The following RPP40 variants were observed in gnomAD, a reference collection of about 807,000 sequenced individuals.
The protein encoded by RPP40 is ribonuclease P protein subunit p40.
A neutral mutation model predicts 42.5 loss-of-function variants in RPP40; 30 were observed. The ratio of observed to expected loss-of-function variants is 0.71; its 90% CI spans 0.53 to 0.96. RPP40 has a LOEUF of 0.96. Among genes scored for constraint, RPP40 ranks in the 40% least tolerant of loss-of-function variants. The probability of loss-of-function intolerance (pLI) is 0.00; values close to 1 mark genes in which losing one functional copy is unlikely to be tolerated. For synonymous variants in RPP40, 173 were observed against 164.0 expected, an observed-to-expected ratio of 1.05 and a Z score of -0.42; for missense variants, 426 against 433.5, an observed-to-expected ratio of 0.98 and a Z score of 0.15.
At chr6:5,001,815 A>G (rs1759565781) in intron 2 of RPP40, 1 of 271,716 alleles carries the variant, frequency 3.7e-6, no homozygotes, top group Non-Finnish European at 6.9e-6. Flanking sequence ...CTGAACACAG[A>G]CTGCAAGTCT....
At chr6:5,001,289 C>T (rs1242284800) in intron 2 of RPP40, among the ~76,000 whole-genome samples, 2 of 152,200 alleles carry the variant, frequency 1.3e-5, no homozygotes, top group African/African-American at 4.8e-5. Context: ...TTTAACAGTG[C>T]CTGCTACAGC....
In RPP40 at chr6:5,004,026, C is replaced by T. The variant is rs2127545117; in HGVS notation, c.-24G>A. The T allele has an allele frequency of 1.3e-6, 2 of 1,575,170 alleles. No homozygotes were observed. The highest frequency in any genetic ancestry group is 2.8e-5 in the African/African-American group (2 of 72,400). ...ATGCTCTCCTGGGTTCCTGGTCCTC[C>T]CGGCCTCCGCTGGCGGGGCACGCCC... is the stretch of plus-strand genomic sequence containing the variant. On this transcript the variant is annotated 5_prime_UTR_variant, in exon 1 of 8. Transcript: ENST00000380051.
chr6:4,989,401 A>T, the RPP40 span, among the ~76,000 whole-genome samples: 23 of 152,236 alleles, frequency 1.5e-4, no homozygotes, highest in South Asian at 4.1e-4. Flanking sequence ...TGGCTACTCT[A>T]GGTCCTTTGA....
At chr6:4,998,196 C>G (rs1377100769) in intron 5 of RPP40, among the ~76,000 whole-genome samples, 1 of 152,218 alleles carries the variant, frequency 6.6e-6, no homozygotes, top group Non-Finnish European at 1.5e-5. Flanking sequence ...AGATACACTT[C>G]TAAAAGGAGC....
At chr6:4,995,348 T>G (rs937597785) in intron 7 of RPP40, 72 bp from the exon 8 acceptor site, 1 of 1,039,422 alleles carries the variant, frequency 9.6e-7, no homozygotes, top group Non-Finnish European at 1.4e-6. Flanking sequence ...AAAAATTTAT[T>G]CAGGATAAGT....
rs1385691058 is a variant in RPP40, at chr6:4,995,225, T to C, written c.945A>G (p.Gln315=). ...KLAPWVTLSV[Q]GFADSPVSWE... is the part of the protein sequence containing the mutation. The stretch of plus-strand genomic sequence containing the variant: ...AAGAAACAGGGCTGTCTGCAAAGCC[T>C]TGAACGGACAGTGTAACCCATGGAG... The change falls in exon 8 of 8, where the codon CAA becomes CAG. Residue 315 remains glutamine, a synonymous_variant. Coordinates refer to ENST00000380051, the MANE Select transcript of RPP40 (RefSeq NM_006638.4). 6.2e-7 allele frequency: 1 copy of C among 1,614,158 alleles called. No homozygotes were observed. Among genetic ancestry groups the C allele is most frequent in the Non-Finnish European group, 8.5e-7 (1 of 1,180,012 alleles).
In RPP40 at chr6:5,002,253, A is replaced by C. The variant is rs778513753; in HGVS notation, c.124-8T>G. On this transcript the variant is annotated splice_region_variant and splice_polypyrimidine_tract_variant and intron_variant, in intron 1 of 7. Coordinates refer to ENST00000380051, the MANE Select transcript of RPP40 (RefSeq NM_006638.4). ...AGGAATGAGAAATGAAACCTATTGG[A>C]ATGTGTAATACAAACAAGGTCTTAC... The C allele has an allele frequency of 1.2e-6, 2 of 1,608,644 alleles. No individual in the cohort carries two copies. The highest frequency in any genetic ancestry group is 1.7e-6 in the Non-Finnish European group (2 of 1,177,848).
intron 1 of RPP40, chr6:5,003,637 A>C (rs115428711): frequency 0.029 from 12,097 of 423,118 alleles, 237 homozygotes; most frequent in South Asian, 0.052. Flanking sequence ...CCCTGACAAC[A>C]GCTCCCTCCA....
downstream of RPP40, among the ~76,000 whole-genome samples, chr6:4,993,680 AC>A (rs1759292701): frequency 6.6e-6 from 1 of 152,174 alleles, no homozygotes; most frequent in South Asian, 2.1e-4. Context: ...ATTTTTTAAG[AC>A]TATCCAGGTG....
Position 4,999,799 on chromosome 6 carries a change from T to G in RPP40, c.433+10A>C, listed in dbSNP as rs1309016051. 2.1e-6 allele frequency: 3 copies of G among 1,447,582 alleles called. No individual in the cohort carries two copies. The allele number at this position is 1,447,582 out of a possible 1,614,324, so 89.7% of individuals were successfully genotyped here. On this transcript the variant is annotated intron_variant, in intron 4 of 7. Transcript: ENST00000380051. The stretch of plus-strand genomic sequence containing the variant: ...AGATTAGAAACAGATGGAACACACA[T>G]GATACTTACTAAATTTCATAATTTT...
Position 4,996,381 on chromosome 6 carries a change from T to C in RPP40, c.599A>G (p.Tyr200Cys), listed in dbSNP as rs1759385082. 1 of 1,613,764 alleles carries C rather than the reference T, an allele frequency of 6.2e-7. No homozygotes were observed. The highest frequency in any genetic ancestry group is 1.3e-5 in the African/African-American group (1 of 74,912). ...TTTTGGCTGATGCTCCTGAATTTGG[T>C]ACTTGGAAAAATATGACATCATTGT... ...ESTMMSYFSK[Y>C]QIQEHQPKVA... Residue 200 changes from tyrosine to cysteine, a missense_variant, in exon 6 of 8, where the codon TAC (tyrosine) becomes TGC (cysteine). By Grantham distance (194) the Tyr-to-Cys change is radical (BLOSUM62 -2). Coordinates refer to ENST00000380051, the MANE Select transcript of RPP40 (RefSeq NM_006638.4).
intron 2 of RPP40, among the ~76,000 whole-genome samples, chr6:5,001,416 G>C (rs1231917635): frequency 6.6e-6 from 1 of 152,194 alleles, no homozygotes; most frequent in Non-Finnish European, 1.5e-5. Flanking sequence ...GTCAGAATGA[G>C]AGGAGCTACT....
intron 7 of RPP40, among the ~76,000 whole-genome samples, chr6:4,995,481 T>C (rs1417656): frequency 0.89 from 135,115 of 152,244 alleles, 60,085 homozygotes; most frequent in East Asian, 0.99. Context: ...ATACAACACA[T>C]GAAACAAACC....
chr6:4,995,342 A>T (rs927510504), intron 7 of RPP40, 66 bp from the exon 8 acceptor site: 1 of 1,145,364 alleles, frequency 8.7e-7, no homozygotes, highest in Non-Finnish European at 1.3e-6. Context: ...ATTTTAAAAA[A>T]TTTATTCAGG....
At chr6:4,989,782 A>G (rs1168259663), downstream of RPP40, among the ~76,000 whole-genome samples, 1 of 152,126 alleles carries the variant, frequency 6.6e-6, no homozygotes, top group Non-Finnish European at 1.5e-5. Flanking sequence ...TTTGTACACT[A>G]CTCTGTATCC....
At chr6:4,998,230 G>T (rs1759441356) in intron 5 of RPP40, among the ~76,000 whole-genome samples, 1 of 152,242 alleles carries the variant, frequency 6.6e-6, no homozygotes, top group African/African-American at 2.4e-5. Context: ...GTTTTAGGCA[G>T]ATTACGCTGT....
downstream of RPP40, among the ~76,000 whole-genome samples, chr6:4,990,530 C>T (rs1759246291): frequency 6.6e-6 from 1 of 152,086 alleles, no homozygotes; most frequent in Admixed American, 6.6e-5. Context: ...GTCAGCCAGG[C>T]TGGAGTGCAG....
Position 5,004,034 on chromosome 6 carries a change from C to A in RPP40, c.-32G>T. The A allele has an allele frequency of 6.4e-7, 1 of 1,568,020 alleles. No individual in the cohort carries two copies. The highest frequency in any genetic ancestry group is 8.6e-7 in the Non-Finnish European group (1 of 1,156,978). On this transcript the variant is annotated 5_prime_UTR_variant, in exon 1 of 8. Coordinates refer to ENST00000380051, the MANE Select transcript of RPP40 (RefSeq NM_006638.4). ...CTGGGTTCCTGGTCCTCCCGGCCTC[C>A]GCTGGCGGGGCACGCCCCGCCCCTT...
At chr6:4,995,361 T>G (rs902051731) in intron 7 of RPP40, 85 bp from the exon 8 acceptor site, 3 of 892,326 alleles carry the variant, frequency 3.4e-6, no homozygotes, top group Non-Finnish European at 5.2e-6. Flanking sequence ...GGATAAGTAG[T>G]ATTTCTGATA....
Sources: allele counts gnomAD v4.1 joint callset (sites outside exome capture counted in the v4.1 genomes callset), GRCh38; gene constraint gnomAD v4.1.1; transcripts MANE v1.5; gene names NCBI Gene and HGNC (gene_info 2026-07-23, HGNC 2026-07-21).